The following MEGF6 variants were observed in gnomAD, a reference collection of about 807,000 sequenced individuals.
MEGF6 encodes multiple epidermal growth factor-like domains protein 6.
Under a neutral mutation model 207.1 loss-of-function variants are expected in MEGF6, and 184 were observed. The ratio of observed to expected loss-of-function variants is 0.89; its 90% CI spans 0.79 to 1.00. MEGF6 has a LOEUF of 1.00. Ranked by LOEUF, MEGF6 falls within the 50% of genes least tolerant of loss-of-function variation. The pLI is 0.00. For synonymous variants in MEGF6, 1,038 were observed against 910.0 expected (o/e 1.14, Z -2.53); for missense variants, 2,282 against 2,202.9 (o/e 1.04, Z -0.72).
At chr1:3,515,143 C>T (rs1376368296) in intron 6 of MEGF6, among the ~76,000 whole-genome samples, 3 of 152,230 alleles carry the variant, frequency 2.0e-5, no homozygotes, top group Non-Finnish European at 4.4e-5. Flanking sequence ...TCCACGCAAG[C>T]AGCCCTGAGG....
chr1:3,525,644 C>G (rs1291112345), intron 4 of MEGF6, among the ~76,000 whole-genome samples: 1 of 152,228 alleles, frequency 6.6e-6, no homozygotes, highest in African/African-American at 2.4e-5. Context: ...AGGGAAAGTG[C>G]TGGCTGGAAG....
rs1292642023 is a variant in MEGF6 at position 3,501,886 on chromosome 1, T to C, written c.2224A>G (p.Ser742Gly). The change falls in exon 18 of 37, where the codon AGC (serine) becomes GGC (glycine). Residue 742 changes from serine (S) to glycine (G), a missense_variant. By Grantham distance (56) the Ser-to-Gly change is moderately conservative (BLOSUM62 0). Transcript: ENST00000356575. The part of the protein sequence containing the change: ...PVGTFGVNCS[S>G]SCSCGGAPCH... ...GGGGCCCCCCCACAGGAGCAGGAGCTCGAGCAGTTCACGCCAAACGTCCCC... is the reference window on the plus strand; with the variant it reads ...GGGGCCCCCCCACAGGAGCAGGAGCCCGAGCAGTTCACGCCAAACGTCCCC... The C allele has an allele frequency of 2.5e-6, 4 of 1,608,854 alleles. No homozygotes were observed. The highest frequency in any genetic ancestry group is 2.5e-6 in the Non-Finnish European group (3 of 1,178,562).
At chr1:3,605,652 A>G (rs918838631) in intron 1 of MEGF6, among the ~76,000 whole-genome samples, 1 of 132,156 alleles carries the variant, frequency 7.6e-6, no homozygotes, top group African/African-American at 2.6e-5. Flanking sequence ...ACTCTCACGC[A>G]TGCAAGCTCA....
At position 3,594,625 on chromosome 1, in the gene MEGF6, C is replaced by T. The variant is rs1280265659; in HGVS notation, c.376+713G>A. Among the ~76,000 whole-genome samples, 3 of 152,128 alleles carry T rather than the reference C, an allele frequency of 2.0e-5. No homozygotes were observed. Among genetic ancestry groups the T allele is most frequent in the African/African-American group, 4.8e-5 (2 of 41,438 alleles). On this transcript the variant is annotated intron_variant, in intron 3 of 36. Transcript: ENST00000356575. The surrounding 1 kb of genome is among the most constrained non-coding windows in gnomAD (Gnocchi z 4.2). Reference sequence around the variant, plus strand: ...AGGGACACTGACCCCTTTGCCCAGGCGGTTTCACTGGCGGGGCTTCTGTCC... The same window carrying T: ...AGGGACACTGACCCCTTTGCCCAGGTGGTTTCACTGGCGGGGCTTCTGTCC...
Position 3,501,798 on chromosome 1 carries a change from G to C in MEGF6, c.2312C>G (p.Ala771Gly), listed in dbSNP as rs1010937094. ...CTGGGGCTGCGGCTGACACTCACCT[G>C]CCTCACAGTCTTCCCCAGTCCTCCC... ...PPGRTGEDCE[A>G]DCPEGRWGLG... The change falls in exon 18 of 37, where the codon GCA (alanine) becomes GGA (glycine). Residue 771 changes from alanine (A) to glycine (G), a missense_variant and splice_region_variant. By Grantham distance (60) the Ala-to-Gly change is moderately conservative. Transcript: ENST00000356575. 1 of 1,610,280 alleles carries C rather than the reference G, an allele frequency of 6.2e-7. No individual in the cohort carries two copies. Among genetic ancestry groups the C allele is most frequent in the East Asian group, 2.2e-5 (1 of 44,762 alleles).
intron 4 of MEGF6, among the ~76,000 whole-genome samples, chr1:3,524,672 T>TG (rs755540045): frequency 9.9e-5 from 15 of 151,928 alleles, no homozygotes; most frequent in Non-Finnish European, 1.9e-4. Context: ...GCCCAGGCTG[T>TG]GGGGGGAAGC....
Position 3,518,707 on chromosome 1 carries a change from C to T in MEGF6, c.605-3180G>A, listed in dbSNP as rs144794843. Among the ~76,000 whole-genome samples the T allele has an allele frequency of 6.8e-3, 1,038 of 152,368 alleles. 7 individuals carry two copies. The highest frequency in any genetic ancestry group is 0.023 in the African/African-American group (970 of 41,590). ...CTGGTTCTGGTCCCTGCTGGTTTCA[C>T]GAGGCTTGTAATTACTGCCCTCAGA... On this transcript the variant is annotated intron_variant, in intron 5 of 36. Coordinates refer to ENST00000356575, the MANE Select transcript of MEGF6 (RefSeq NM_001409.4).
At chr1:3,493,662 G>C (rs562005003) in intron 34 of MEGF6, 109 bp downstream of exon 34, 135 of 1,431,140 alleles carry the variant, frequency 9.4e-5, no homozygotes, top group Admixed American at 2.0e-4. Context: ...GGCAACAAGA[G>C]GGGTTGGTGG....
At chr1:3,600,251 A>T (rs1417004413) in intron 2 of MEGF6, among the ~76,000 whole-genome samples, 1 of 152,156 alleles carries the variant, frequency 6.6e-6, no homozygotes, top group Non-Finnish European at 1.5e-5. Flanking sequence ...GCCCAGCCAC[A>T]CATACCCAGG....
intron 17 of MEGF6, among the ~76,000 whole-genome samples, chr1:3,504,030 C>T (rs962976080): frequency 3.9e-5 from 6 of 151,924 alleles, no homozygotes; most frequent in Admixed American, 3.9e-4. Flanking sequence ...GACCCCTTCT[C>T]ATTCCCCAGA....
At chr1:3,505,653 A>G in intron 15 of MEGF6, 97 bp from the exon 16 acceptor site, 1 of 1,421,252 alleles carries the variant, frequency 7.0e-7, no homozygotes, top group Non-Finnish European at 9.3e-7. Context: ...GACAGCCAAG[A>G]TCATGTAGGG....
chr1:3,494,342 C>T, intron 32 of MEGF6, 29 bp downstream of exon 32: 1 of 1,530,318 alleles, frequency 6.5e-7, no homozygotes, highest in Non-Finnish European at 8.8e-7. Flanking sequence ...AAAGGGGCCC[C>T]AGCCCAGCTG....
chr1:3,575,992 C>A (rs1363841738), intron 4 of MEGF6, among the ~76,000 whole-genome samples: 2 of 59,778 alleles, frequency 3.3e-5, no homozygotes, highest in African/African-American at 7.4e-5. Context: ...CGCCAAATCT[C>A]CTCCCTGCTG....
At chr1:3,516,762 C>T (rs986333771) in intron 5 of MEGF6, among the ~76,000 whole-genome samples, 1 of 152,196 alleles carries the variant, frequency 6.6e-6, no homozygotes, top group Admixed American at 6.5e-5. Flanking sequence ...GCTTAAAAAC[C>T]CACCGTGCTC....
chr1:3,500,064 G>A lies in MEGF6; in HGVS notation c.2708-140C>T, dbSNP rs1414190064. ...CCCCTTCCTGCCCAAGGGAGACTGG[G>A]CTCACTCACATGCTTCATCCCCCAC... On this transcript the variant is annotated intron_variant, in intron 21 of 36. Transcript: ENST00000356575. 4.6e-6 allele frequency: 6 copies of A among 1,296,650 alleles called. No homozygotes were observed. The African/African-American group carries it at 7.5e-5, about 16-fold the overall frequency. The allele number at this position is 1,296,650 out of a possible 1,614,324, so 80.3% of individuals were successfully genotyped here. A position where few individuals can be genotyped will look rare whatever the true frequency, so the allele number is the denominator to read the frequency against.
intron 1 of MEGF6, among the ~76,000 whole-genome samples, chr1:3,603,220 G>C (rs181363288): frequency 3.9e-4 from 59 of 152,294 alleles, no homozygotes; most frequent in African/African-American, 1.3e-3. Flanking sequence ...CCAGGGGAGG[G>C]GGCATGCCAG....
chr1:3,540,592 G>A (rs774770684), intron 4 of MEGF6, among the ~76,000 whole-genome samples: 3 of 152,212 alleles, frequency 2.0e-5, no homozygotes, highest in East Asian at 1.9e-4. Flanking sequence ...CCTACAGGAC[G>A]CCTTAGTCTG....
chr1:3,501,337 G>C, intron 18 of MEGF6, 29 bp from the exon 19 acceptor site: 1 of 1,573,718 alleles, frequency 6.4e-7, no homozygotes, highest in African/African-American at 1.4e-5. Context: ...GCCAGTCAGT[G>C]CCCAAGCTGC....
At chr1:3,585,956 T>C (rs1463378430) in intron 3 of MEGF6, among the ~76,000 whole-genome samples, 2 of 87,818 alleles carry the variant, frequency 2.3e-5, no homozygotes, top group Non-Finnish European at 4.2e-5. Flanking sequence ...TGAGGACGCA[T>C]GTCCTGTGTG....
Sources: gnomAD v4.1 joint callset for allele counts (sites outside exome capture counted in the v4.1 genomes callset) on GRCh38, gnomAD v4.1.1 for gene constraint, Gnocchi (gnomAD v3.1) non-coding constraint, MANE v1.5 for transcripts, NCBI Gene and HGNC (gene_info 2026-07-23, HGNC 2026-07-21) for gene names.